RBMS3: variants seen among roughly 807,000 people sequenced by gnomAD.
RBMS3 encodes the protein RNA binding motif single stranded interacting protein 3.
Under a neutral mutation model 66.8 loss-of-function variants are expected in RBMS3, and 27 were observed. That is an observed-to-expected ratio of 0.40 (90% CI 0.30 to 0.56). The LOEUF (loss-of-function observed/expected upper bound fraction) is 0.56. RBMS3 is among the 20% of genes least tolerant of loss of function. The pLI, the probability that RBMS3 is intolerant of heterozygous loss-of-function variation, is 0.40. For synonymous variants in RBMS3, 188 were observed against 183.0 expected, an observed-to-expected ratio of 1.03 and a Z score of -0.22; for missense variants, 513 against 549.5, an observed-to-expected ratio of 0.93 and a Z score of 0.66.
At chr3:29,523,908 AT>A (rs1240530931) in intron 3 of RBMS3, among the ~76,000 whole-genome samples, 1 of 150,936 alleles carries the variant, frequency 6.6e-6, no homozygotes, top group African/African-American at 2.4e-5. Context: ...CTAATTTTAA[AT>A]TTTTTTTTGT....
intron 1 of RBMS3, among the ~76,000 whole-genome samples, chr3:29,425,843 C>G (rs1396071570): frequency 6.6e-6 from 1 of 152,098 alleles, no homozygotes. Context: ...TTCTGGTGAC[C>G]TGTTCTGGGT....
rs1461049453 is a variant in RBMS3 at position 30,005,136 on chromosome 3, C to T, written c.*1274C>T. On this transcript the variant is annotated 3_prime_UTR_variant, in exon 15 of 15. Transcript: ENST00000383767. The stretch of plus-strand genomic sequence containing the variant: ...AAAAAATTTATTTGACCGACATGGC[C>T]GGACCAGTTCTTTCTTTGTTGTTTG... The T allele has an allele frequency of 4.6e-5, 7 of 150,988 alleles. No individual in the cohort carries two copies. Among genetic ancestry groups the T allele is most frequent in the African/African-American group, 1.2e-4 (5 of 41,044 alleles). 9.4% of individuals were successfully genotyped at this position (150,988 alleles called of 1,614,324 possible). A position where few individuals can be genotyped will look rare whatever the true frequency, so the allele number is the denominator to read the frequency against.
intron 12 of RBMS3, among the ~76,000 whole-genome samples, chr3:29,964,920 C>T (rs1462798110): frequency 6.6e-6 from 1 of 152,180 alleles, no homozygotes; most frequent in Middle Eastern, 3.4e-3. Flanking sequence ...CATTCTTATG[C>T]CTTTTTGTCC....
At chr3:29,393,955 A>T (rs937398451) in intron 1 of RBMS3, among the ~76,000 whole-genome samples, 11 of 152,178 alleles carry the variant, frequency 7.2e-5, no homozygotes, top group Non-Finnish European at 1.2e-4. Flanking sequence ...AGAATTACTG[A>T]TGAGGTTCCA....
intron 14 of RBMS3, among the ~76,000 whole-genome samples, chr3:30,003,247 T>G (rs1276422650): frequency 2.0e-5 from 3 of 152,050 alleles, no homozygotes; most frequent in Non-Finnish European, 4.4e-5. Context: ...AAGTGGCATA[T>G]AGTAAAATGA....
At chr3:29,380,212 TCA>T (rs10584637) in intron 1 of RBMS3, among the ~76,000 whole-genome samples, 41,005 of 149,068 alleles carry the variant, frequency 0.28, 6,038 homozygotes, top group East Asian at 0.42. Context: ...TAGGGGAATC[TCA>T]CACACACACA....
intron 6 of RBMS3, among the ~76,000 whole-genome samples, chr3:29,788,274 G>A (rs1018180910): frequency 4.0e-5 from 6 of 149,306 alleles, no homozygotes; most frequent in Non-Finnish European, 8.9e-5. Context: ...ATCCCAGGCT[G>A]GAGTGCAGTG....
At chr3:29,366,659 G>A (rs2037924154) in intron 1 of RBMS3, among the ~76,000 whole-genome samples, 1 of 152,060 alleles carries the variant, frequency 6.6e-6, no homozygotes, top group Admixed American at 6.6e-5. Flanking sequence ...ATAGGCATGA[G>A]CCACCACACC....
At chr3:29,424,963 A>T (rs1290330336) in intron 1 of RBMS3, among the ~76,000 whole-genome samples, 1 of 152,078 alleles carries the variant, frequency 6.6e-6, no homozygotes, top group Admixed American at 6.6e-5. Flanking sequence ...AGCTACATCC[A>T]TTGTAGCTTA....
intron 4 of RBMS3, among the ~76,000 whole-genome samples, chr3:29,705,111 C>T (rs900940457): frequency 2.6e-5 from 4 of 152,170 alleles, no homozygotes; most frequent in Non-Finnish European, 5.9e-5. Context: ...ATAGCTTTCT[C>T]GCCCATGTCC....
intron 3 of RBMS3, among the ~76,000 whole-genome samples, chr3:29,518,931 G>A (rs1404849899): frequency 1.3e-5 from 2 of 152,176 alleles, no homozygotes; most frequent in Non-Finnish European, 2.9e-5. Flanking sequence ...GAAATGGGAA[G>A]CAAGTGATTG....
At chr3:29,472,930 G>T (rs944415274) in intron 2 of RBMS3, among the ~76,000 whole-genome samples, 1 of 151,690 alleles carries the variant, frequency 6.6e-6, no homozygotes, top group Non-Finnish European at 1.5e-5. Context: ...CCTGCTGATT[G>T]GTAGAGCCGA....
At chr3:29,959,562 G>T (rs1696272201) in intron 12 of RBMS3, among the ~76,000 whole-genome samples, 1 of 152,094 alleles carries the variant, frequency 6.6e-6, no homozygotes, top group African/African-American at 2.4e-5. Flanking sequence ...GTGTGTGAAT[G>T]GGGAAAGGAT....
chr3:29,748,944 C>G (rs556494513), intron 5 of RBMS3, among the ~76,000 whole-genome samples: 1 of 152,130 alleles, frequency 6.6e-6, no homozygotes, highest in African/African-American at 2.4e-5. Context: ...AATGGTATCA[C>G]AGGGTGGCAA....
chr3:29,765,370 A>C (rs2055878293), intron 6 of RBMS3, among the ~76,000 whole-genome samples: 1 of 151,966 alleles, frequency 6.6e-6, no homozygotes, highest in South Asian at 2.1e-4. Flanking sequence ...TATCACTATG[A>C]GCTATGGCAT....
intron 5 of RBMS3, among the ~76,000 whole-genome samples, chr3:29,759,645 AT>A (rs1212380838): frequency 6.6e-6 from 1 of 152,106 alleles, no homozygotes; most frequent in Non-Finnish European, 1.5e-5. Flanking sequence ...AGAGAGGTTA[AT>A]TGTGAAACTT....
In RBMS3 at chr3:29,661,884, T is replaced by A. The variant is rs78484438; in HGVS notation, c.399+74679T>A. Among the ~76,000 whole-genome samples the A allele has an allele frequency of 7.4e-3, 1,125 of 152,226 alleles. 31 individuals carry two copies. Among genetic ancestry groups the A allele is most frequent in the Admixed American group, 0.061 (927 of 15,280 alleles). On this transcript the variant is annotated intron_variant, in intron 4 of 14. Coordinates refer to ENST00000383767, the MANE Select transcript of RBMS3 (RefSeq NM_001003793.3). ...ATGCCCCCAACTTAGTGAAGGTGGA[T>A]GGTGAAGCTCCCAGAGCCTGGAAAC...
chr3:29,815,686 G>A (rs2149465585), intron 6 of RBMS3, among the ~76,000 whole-genome samples: 1 of 152,246 alleles, frequency 6.6e-6, no homozygotes, highest in African/African-American at 2.4e-5. Flanking sequence ...ACTCAGGAAT[G>A]GAAAACCAAA....
At chr3:29,754,727 A>G (rs942944017) in intron 5 of RBMS3, among the ~76,000 whole-genome samples, 1 of 152,240 alleles carries the variant, frequency 6.6e-6, no homozygotes, top group African/African-American at 2.4e-5. Context: ...TCCAATTAGC[A>G]ATAGTTACAA....
Sources: gnomAD v4.1 joint callset for allele counts (sites outside exome capture counted in the v4.1 genomes callset) on GRCh38, gnomAD v4.1.1 for gene constraint, MANE v1.5 for transcripts, NCBI Gene and HGNC (gene_info 2026-07-23, HGNC 2026-07-21) for gene names.